The following C10orf105 variants were observed in gnomAD, a reference collection of about 807,000 sequenced individuals.
C10orf105 encodes chromosome 10 open reading frame 105.
In C10orf105, 2 loss-of-function variants were observed where a neutral mutation model predicts 0.6. The ratio of observed to expected loss-of-function variants is 3.18; its 90% confidence interval spans 1.30 to 10.01. The LOEUF is 10.01. C10orf105 is among the 30% of genes most tolerant of loss of function. The pLI, the probability that C10orf105 is intolerant of heterozygous loss-of-function variation, is 0.04. For synonymous variants in C10orf105, 95 were observed against 82.4 expected (o/e 1.15, Z -0.83); for missense variants, 209 against 191.4 (o/e 1.09, Z -0.54).
intron 1 of C10orf105, among the ~76,000 whole-genome samples, chr10:71,734,917 G>T (rs934047303): frequency 6.6e-6 from 1 of 152,242 alleles, no homozygotes; most frequent in African/African-American, 2.4e-5. Flanking sequence ...TAGCAAAGGA[G>T]TCACTGGAAG....
upstream of C10orf105, chr10:71,724,025 C>T (rs934679525): frequency 3.2e-6 from 5 of 1,554,156 alleles, no homozygotes; most frequent in Admixed American, 2.0e-5. Context: ...AGAAGTAACT[C>T]GTGTCTCATT....
At chr10:71,716,465 T>G (rs1564752857) in intron 1 of C10orf105, 123 bp from the exon 2 acceptor site, 2 of 724,480 alleles carry the variant, frequency 2.8e-6, no homozygotes, top group Non-Finnish European at 4.5e-6. Flanking sequence ...GACAGCATCA[T>G]GGCCACATCA....
intron 1 of C10orf105, chr10:71,734,203 G>A (rs368485085): frequency 3.6e-5 from 55 of 1,537,944 alleles, no homozygotes; most frequent in African/African-American, 1.9e-4. Context: ...ACAAGGGTGC[G>A]ATGTTGTCAC....
intron 1 of C10orf105, among the ~76,000 whole-genome samples, chr10:71,728,062 C>T (rs1866894492): frequency 6.6e-6 from 1 of 152,066 alleles, no homozygotes; most frequent in Admixed American, 6.5e-5. Flanking sequence ...TGTTTTTTCC[C>T]CACAACCCTT....
At chr10:71,732,444 T>C (rs1411605740) in intron 1 of C10orf105, 2 of 1,538,484 alleles carry the variant, frequency 1.3e-6, no homozygotes, top group Non-Finnish European at 1.8e-6. Flanking sequence ...TCCTTCTGTG[T>C]GCACAGCACT....
intron 1 of C10orf105, among the ~76,000 whole-genome samples, chr10:71,734,839 T>C (rs991506076): frequency 2.6e-5 from 4 of 152,204 alleles, no homozygotes; most frequent in Non-Finnish European, 4.4e-5. Context: ...CTGGGGCATG[T>C]CCCCTGCCTC....
In C10orf105 at chr10:71,716,216, G is replaced by A; in HGVS notation, c.122C>T (p.Ala41Val). 3.2e-6 allele frequency: 5 copies of A among 1,551,116 alleles called. No individual in the cohort carries two copies. Among genetic ancestry groups the A allele is most frequent in the Non-Finnish European group, 4.4e-6 (5 of 1,146,772 alleles). ...EATDPLPMLI[A>V]LACIFLLLAT... ...CAGCAGGAGGAAGATGCAGGCCAGG[G>A]CGATGAGCATGGGGAGGGGGTCAGT... Residue 41 changes from alanine to valine, a missense_variant, in exon 2 of 2, where the codon GCC (alanine) becomes GTC (valine). Physicochemically the swap from Ala to Val is moderately conservative, Grantham distance 64. Coordinates refer to ENST00000441508, the MANE Select transcript of C10orf105 (RefSeq NM_001164375.3).
upstream of C10orf105, among the ~76,000 whole-genome samples, chr10:71,724,496 G>A (rs962985694): frequency 1.3e-5 from 2 of 152,202 alleles, no homozygotes; most frequent in African/African-American, 2.4e-5. Context: ...TAGAGACAGG[G>A]TTTCACCGTG....
rs1307760291 is a variant in C10orf105, at chr10:71,732,384, C to T, written c.-6+5344G>A. On this transcript the variant is annotated intron_variant, in intron 1 of 1. Transcript: ENST00000398786. Reference sequence around the variant, plus strand: ...AGATAGACGCCATCACGGTGAGGGGCTGGGGGCAGGGAGCACCATTTCTTC... The same window carrying T: ...AGATAGACGCCATCACGGTGAGGGGTTGGGGGCAGGGAGCACCATTTCTTC... 10 of 1,555,526 alleles carry T rather than the reference C, an allele frequency of 6.4e-6. No homozygotes were observed. In the East Asian group the frequency reaches 2.2e-4, roughly 34 times the overall value.
intron 1 of C10orf105, chr10:71,734,142 GA>G: frequency 1.0e-6 from 1 of 973,500 alleles, no homozygotes; most frequent in Admixed American, 2.0e-5. Flanking sequence ...AGTTATGCCG[GA>G]CAGAGGAAGT....
intron 1 of C10orf105, among the ~76,000 whole-genome samples, chr10:71,718,574 C>T (rs1456853614): frequency 2.0e-5 from 3 of 152,320 alleles, no homozygotes; most frequent in Non-Finnish European, 2.9e-5. Context: ...CGCTCATTCC[C>T]GTGGGGAGAA....
intron 1 of C10orf105, chr10:71,730,628 G>C: frequency 6.2e-7 from 1 of 1,612,930 alleles, no homozygotes; most frequent in African/African-American, 1.3e-5. Flanking sequence ...GAGGAAGCCG[G>C]GGATCCCATT....
intron 1 of C10orf105, among the ~76,000 whole-genome samples, chr10:71,728,182 T>C (rs1416976745): frequency 6.6e-6 from 1 of 152,120 alleles, no homozygotes; most frequent in Non-Finnish European, 1.5e-5. Context: ...AATTCATCCA[T>C]GCAAACTCCC....
intron 1 of C10orf105, among the ~76,000 whole-genome samples, chr10:71,736,258 G>A (rs1044914566): frequency 2.6e-5 from 4 of 152,236 alleles, no homozygotes; most frequent in South Asian, 2.1e-4. Flanking sequence ...CCCAGGGGCC[G>A]CTGCCCCAGA....
chr10:71,734,469 GGCTTC>G, intron 1 of C10orf105: 1 of 1,501,104 alleles, frequency 6.7e-7, no homozygotes, highest in South Asian at 1.2e-5. Flanking sequence ...GATAGCCTGA[GGCTTC>G]GCCATGTCCA....
rs1166662225 is a variant in C10orf105, at chr10:71,716,036, T to G, written c.302A>C (p.His101Pro). 4 of 1,507,990 alleles carry G rather than the reference T, an allele frequency of 2.7e-6. No individual in the cohort carries two copies. The African/African-American group carries it at 5.6e-5, about 21-fold the overall frequency. 93.4% of individuals were successfully genotyped at this position (1,507,990 alleles called of 1,614,324 possible). ...GGTGGGCCGGCCATGGCGGAAGCTG[T>G]GCAGGGAGAGGCGCAAGGAGCCCAG... ...KRLGSLRLSL[H>P]SFRHGRPTVP... The change falls in exon 2 of 2, where the codon CAC (histidine) becomes CCC (proline). Residue 101 changes from histidine (H) to proline (P), a missense_variant. By Grantham distance (77) the His-to-Pro change is moderately conservative. Transcript: ENST00000441508.
rs1317019979 is a variant in C10orf105, at chr10:71,712,925, AGGGTGGG to A, written c.*3004_*3010del. 2.3e-5 allele frequency: 30 copies of A among 1,309,354 alleles called. No homozygotes were observed. The African/African-American group carries it at 2.8e-4, about 12-fold the overall frequency. 81.1% of individuals were successfully genotyped at this position (1,309,354 alleles called of 1,614,324 possible). On this transcript the variant is annotated 3_prime_UTR_variant, in exon 2 of 2. Coordinates refer to ENST00000441508, the MANE Select transcript of C10orf105 (RefSeq NM_001164375.3). ...CAGAGGCGGAAGCAGGTGGGGGCCCAGGGTGGGTCCGCTGCTCTGGAAGGTGCTGTGG... is the reference window on the plus strand; with the variant it reads ...CAGAGGCGGAAGCAGGTGGGGGCCCATCCGCTGCTCTGGAAGGTGCTGTGG...
intron 1 of C10orf105, among the ~76,000 whole-genome samples, chr10:71,726,436 A>G (rs1810399354): frequency 6.6e-6 from 1 of 152,182 alleles, no homozygotes; most frequent in South Asian, 2.1e-4. Flanking sequence ...CTGATTGCTC[A>G]GGGGCTGTGC....
rs1413122057 is a variant in C10orf105 at position 71,713,497 on chromosome 10, A to G, written c.*2439T>C. 4 of 559,292 alleles carry G rather than the reference A, an allele frequency of 7.2e-6. No individual in the cohort carries two copies. Among genetic ancestry groups the G allele is most frequent in the Non-Finnish European group, 1.3e-5 (4 of 313,534 alleles). The allele number at this position is 559,292 out of a possible 1,614,324, so 34.6% of individuals were successfully genotyped here. A position where few individuals can be genotyped will look rare whatever the true frequency, so the allele number is the denominator to read the frequency against. On this transcript the variant is annotated 3_prime_UTR_variant, in exon 2 of 2. Coordinates refer to ENST00000441508, the MANE Select transcript of C10orf105 (RefSeq NM_001164375.3). ...GGCTCCCGGGCTTGGGAGGGACAGAAGCGTGGGAGGCTGGCAATGCTCCCC... is the reference window on the plus strand; with the variant it reads ...GGCTCCCGGGCTTGGGAGGGACAGAGGCGTGGGAGGCTGGCAATGCTCCCC...
Sources: gnomAD v4.1 joint callset for allele counts (sites outside exome capture counted in the v4.1 genomes callset) on GRCh38, gnomAD v4.1.1 for gene constraint, MANE v1.5 for transcripts, NCBI Gene and HGNC (gene_info 2026-07-23, HGNC 2026-07-21) for gene names.